Variants in SLC60A2 observed in about 807,000 individuals in gnomAD.
The protein encoded by SLC60A2 is major facilitator superfamily domain containing 4B.
At chr6:111,276,397 C>CT in the SLC60A2 span, among the ~76,000 whole-genome samples, 1 of 152,062 alleles carries the variant, frequency 6.6e-6, no homozygotes, top group African/African-American at 2.4e-5. Context: ...AAGAGAGTAG[C>CT]TTTAGGAAGA....
At chr6:111,264,121 G>C in the SLC60A2 span, among the ~76,000 whole-genome samples, 1 of 152,178 alleles carries the variant, frequency 6.6e-6, no homozygotes, top group Non-Finnish European at 1.5e-5. Context: ...CAATTAGGGG[G>C]CCTGTTTCTG....
At chr6:111,265,375 G>T in the SLC60A2 span, 3 of 985,070 alleles carry the variant, frequency 3.0e-6, no homozygotes, top group South Asian at 4.7e-5. Flanking sequence ...CCTCTAATGG[G>T]CATACCAGAA....
At chr6:111,269,140 G>T in the SLC60A2 span, 1 of 152,230 alleles carries the variant, frequency 6.6e-6, no homozygotes, top group East Asian at 1.9e-4. Flanking sequence ...TAACCTAACA[G>T]CTTTGGAGAT....
chr6:111,276,895 A>G, the SLC60A2 span, among the ~76,000 whole-genome samples: 2 of 151,964 alleles, frequency 1.3e-5, no homozygotes, highest in Non-Finnish European at 2.9e-5. Context: ...TTTGACTTGA[A>G]TAGATGCCAT....
chr6:111,261,581 AC>A, the SLC60A2 span, among the ~76,000 whole-genome samples: 1 of 151,976 alleles, frequency 6.6e-6, no homozygotes. Context: ...ACCACACCTG[AC>A]TTAATTTAAT....
chr6:111,266,310 T>G, the SLC60A2 span: 1 of 1,613,994 alleles, frequency 6.2e-7, no homozygotes, highest in Non-Finnish European at 8.5e-7. Flanking sequence ...AACATATGGC[T>G]CTTATGTTTT....
the SLC60A2 span, among the ~76,000 whole-genome samples, chr6:111,273,293 G>A: frequency 2.6e-3 from 394 of 152,140 alleles, no homozygotes; most frequent in African/African-American, 8.9e-3. Flanking sequence ...AGGATTACAG[G>A]TGTCACTATG....
At chr6:111,263,869 T>C in the SLC60A2 span, 3 of 1,612,116 alleles carry the variant, frequency 1.9e-6, no homozygotes, top group South Asian at 1.1e-5. Flanking sequence ...CTTTATCTTG[T>C]TCCTTTTTGC....
chr6:111,259,567 C>A, the SLC60A2 span: 5 of 913,312 alleles, frequency 5.5e-6, no homozygotes, highest in African/African-American at 8.6e-5. Flanking sequence ...CTCCGTGGGG[C>A]CGGGCCCCCG....
chr6:111,265,876 G>C, the SLC60A2 span: 2 of 1,589,532 alleles, frequency 1.3e-6, no homozygotes, highest in Non-Finnish European at 1.7e-6. Context: ...TCATCGACAG[G>C]TGGTAACGTC....
the SLC60A2 span, chr6:111,259,507 G>T: frequency 2.0e-6 from 1 of 509,094 alleles, no homozygotes; most frequent in East Asian, 3.4e-5. Flanking sequence ...GAAGCGCGGC[G>T]GCAGCAAGAC....
At chr6:111,276,079 T>C in the SLC60A2 span, among the ~76,000 whole-genome samples, 1 of 152,356 alleles carries the variant, frequency 6.6e-6, no homozygotes, top group Middle Eastern at 3.4e-3. Context: ...TCTTCAAGGA[T>C]CATCCTTGTT....
At chr6:111,261,444 C>G in the SLC60A2 span, among the ~76,000 whole-genome samples, 1 of 151,960 alleles carries the variant, frequency 6.6e-6, no homozygotes, top group African/African-American at 2.4e-5. Context: ...TGCGCCACCA[C>G]GCCTGGCTGA....
the SLC60A2 span, chr6:111,268,201 T>C: frequency 6.6e-6 from 1 of 152,252 alleles, no homozygotes; most frequent in Non-Finnish European, 1.5e-5. Flanking sequence ...AATGATTACA[T>C]GTCAATTTAA....
chr6:111,271,802 A>AAAAAAAAAAAAAAAC, the SLC60A2 span, among the ~76,000 whole-genome samples: 1 of 88,828 alleles, frequency 1.1e-5, no homozygotes, highest in Non-Finnish European at 2.9e-5. Context: ...AAAAAAAAAA[A>AAAAAAAAAAAAAAAC]AAAAGTACAA....
At chr6:111,264,876 C>T in the SLC60A2 span, among the ~76,000 whole-genome samples, 1 of 151,796 alleles carries the variant, frequency 6.6e-6, no homozygotes, top group Non-Finnish European at 1.5e-5. Flanking sequence ...GGCAGATCAC[C>T]TGAGGTCAGG....
the SLC60A2 span, chr6:111,268,784 A>G: frequency 2.0e-5 from 3 of 152,214 alleles, no homozygotes; most frequent in Non-Finnish European, 4.4e-5. Context: ...TACTTGTGTC[A>G]CCGATCCAGG....
At chr6:111,264,603 A>G in the SLC60A2 span, among the ~76,000 whole-genome samples, 65 of 152,174 alleles carry the variant, frequency 4.3e-4, no homozygotes, top group Middle Eastern at 6.8e-3. Context: ...CCTGGCTAAC[A>G]CAATGAAACC....
chr6:111,262,363 A>G, the SLC60A2 span: 1 of 1,614,134 alleles, frequency 6.2e-7, no homozygotes, highest in Non-Finnish European at 8.5e-7. Context: ...GCCTTGGGAT[A>G]TTTGAGTGGC....
Sources: allele counts gnomAD v4.1 joint callset (sites outside exome capture counted in the v4.1 genomes callset), GRCh38; gene constraint gnomAD v4.1.1; transcripts MANE v1.5; gene names NCBI Gene and HGNC (gene_info 2026-07-23, HGNC 2026-07-21).